The following PRMT3 variants were observed in gnomAD, a reference collection of about 807,000 sequenced individuals.
The protein encoded by PRMT3 is protein arginine methyltransferase 3, also known as protein arginine N-methyltransferase 3.
Under a neutral mutation model 71.9 loss-of-function variants are expected in PRMT3, and 62 were observed. The ratio of observed to expected loss-of-function variants is 0.86; its 90% CI spans 0.70 to 1.07. The LOEUF (loss-of-function observed/expected upper bound fraction) is 1.07, where lower values mean the gene tolerates loss of function less well. Among genes scored for constraint, PRMT3 ranks in the 50% least tolerant of loss-of-function variants. PRMT3 has a pLI of 0.00. For missense variants in PRMT3, 663 were observed against 643.0 expected (o/e 1.03, Z -0.34); for synonymous variants, 213 against 220.4 (o/e 0.97, Z 0.30).
At chr11:20,504,745 AGC>A (rs1474759869) in intron 15 of PRMT3, among the ~76,000 whole-genome samples, 44 of 141,210 alleles carry the variant, frequency 3.1e-4, no homozygotes, top group African/African-American at 8.8e-4. Context: ...AGAGAGAGAG[AGC>A]GAGAGCGACT....
intron 15 of PRMT3, among the ~76,000 whole-genome samples, chr11:20,498,590 C>T (rs938581831): frequency 1.8e-4 from 27 of 152,034 alleles, no homozygotes; most frequent in African/African-American, 6.3e-4. Context: ...ATTAGCTGGA[C>T]GTGGTAGCAC....
chr11:20,403,412 T>C (rs1848992199), intron 8 of PRMT3, among the ~76,000 whole-genome samples: 1 of 152,194 alleles, frequency 6.6e-6, no homozygotes, highest in Admixed American at 6.5e-5. Flanking sequence ...GGGTTCACTA[T>C]GGTAGTATAG....
intron 13 of PRMT3, among the ~76,000 whole-genome samples, chr11:20,489,765 A>AG (rs1433200619): frequency 6.6e-6 from 1 of 151,376 alleles, no homozygotes; most frequent in African/African-American, 2.4e-5. Flanking sequence ...TTCAAATTGA[A>AG]GGGGTTTTTT....
intron 11 of PRMT3, among the ~76,000 whole-genome samples, chr11:20,460,435 A>G (rs918864380): frequency 2.4e-4 from 37 of 152,046 alleles, no homozygotes; most frequent in African/African-American, 7.5e-4. Flanking sequence ...TTCTCCTTCA[A>G]TCACACTTTC....
chr11:20,411,228 AT>A (rs1286877510), intron 9 of PRMT3, among the ~76,000 whole-genome samples: 1 of 152,088 alleles, frequency 6.6e-6, no homozygotes, highest in African/African-American at 2.4e-5. Context: ...CATGTGACTT[AT>A]TTGGATAAGG....
chr11:20,445,188 G>T (rs932325431), intron 10 of PRMT3, among the ~76,000 whole-genome samples: 1 of 151,642 alleles, frequency 6.6e-6, no homozygotes, highest in Non-Finnish European at 1.5e-5. Flanking sequence ...AAAAAAATCA[G>T]TTTCACTTTT....
chr11:20,447,501 A>G (rs1850057226), intron 10 of PRMT3, among the ~76,000 whole-genome samples: 1 of 152,062 alleles, frequency 6.6e-6, no homozygotes. Context: ...ATGCGTTGAT[A>G]ATAAGTTAGC....
At chr11:20,473,549 T>TTTGA (rs1184654330) in intron 13 of PRMT3, among the ~76,000 whole-genome samples, 4 of 152,304 alleles carry the variant, frequency 2.6e-5, no homozygotes, top group African/African-American at 9.6e-5. Context: ...TTTGAGTGAA[T>TTTGA]TTGATTGTGC....
intron 13 of PRMT3, among the ~76,000 whole-genome samples, chr11:20,465,572 G>C (rs1850492802): frequency 6.6e-6 from 1 of 151,866 alleles, no homozygotes; most frequent in Non-Finnish European, 1.5e-5. Flanking sequence ...TTGATTCAGT[G>C]ATTATTTTAT....
intron 15 of PRMT3, among the ~76,000 whole-genome samples, chr11:20,497,414 C>T (rs900303818): frequency 1.3e-5 from 2 of 152,082 alleles, no homozygotes; most frequent in Non-Finnish European, 2.9e-5. Context: ...ATATTAGAAT[C>T]CCCTAAGAGA....
Position 20,464,146 on chromosome 11 carries a change from A to G in PRMT3, c.1261-314A>G, listed in dbSNP as rs142861516. 1.3e-3 allele frequency among the ~76,000 whole-genome samples: 195 copies of G among 152,298 alleles called. 1 individual carries two copies. The highest frequency in any genetic ancestry group is 2.4e-3 in the Non-Finnish European group (162 of 68,020). ...AACACAGGAAAACATTTTTTATTTG[A>G]AAGTATTTATTTTAGTGTGTCAGGA... On this transcript the variant is annotated intron_variant, in intron 12 of 15. Transcript: ENST00000331079.
chr11:20,423,115 G>A (rs1849463270), intron 9 of PRMT3, among the ~76,000 whole-genome samples: 1 of 152,164 alleles, frequency 6.6e-6, no homozygotes, highest in African/African-American at 2.4e-5. Flanking sequence ...GTTCATGTGA[G>A]TTAGATTTGA....
chr11:20,394,579 C>A (rs1017282154), intron 5 of PRMT3, among the ~76,000 whole-genome samples: 2 of 152,064 alleles, frequency 1.3e-5, no homozygotes, highest in African/African-American at 4.8e-5. Flanking sequence ...ACATCATCAC[C>A]TCACATTCCA....
intron 10 of PRMT3, among the ~76,000 whole-genome samples, chr11:20,433,802 TAG>T (rs1849706594): frequency 6.6e-6 from 1 of 152,008 alleles, no homozygotes; most frequent in African/African-American, 2.4e-5. Flanking sequence ...GTATTTTTGG[TAG>T]AGATGAGGTT....
chr11:20,447,466 AC>A (rs2133381325), intron 10 of PRMT3, among the ~76,000 whole-genome samples: 1 of 151,960 alleles, frequency 6.6e-6, no homozygotes, highest in Non-Finnish European at 1.5e-5. Flanking sequence ...ATATCGAGAA[AC>A]CCTGCTTTAG....
At chr11:20,414,270 A>G (rs1849254048) in intron 9 of PRMT3, among the ~76,000 whole-genome samples, 1 of 152,180 alleles carries the variant, frequency 6.6e-6, no homozygotes, top group Non-Finnish European at 1.5e-5. Context: ...AAATGAGTTT[A>G]GAATTGGATA....
intron 11 of PRMT3, among the ~76,000 whole-genome samples, chr11:20,453,310 G>A (rs1359817910): frequency 6.8e-5 from 9 of 132,566 alleles, no homozygotes; most frequent in East Asian, 2.2e-4. Flanking sequence ...GTGAAACCCC[G>A]TCTTTACTAA....
intron 10 of PRMT3, among the ~76,000 whole-genome samples, chr11:20,436,765 A>G (rs1849769740): frequency 6.6e-6 from 1 of 151,650 alleles, no homozygotes; most frequent in African/African-American, 2.4e-5. Context: ...AGTGTCTTTA[A>G]CTGATTTTGT....
intron 10 of PRMT3, among the ~76,000 whole-genome samples, chr11:20,441,472 A>T (rs1056750223): frequency 6.6e-6 from 1 of 150,970 alleles, no homozygotes; most frequent in African/African-American, 2.4e-5. Context: ...TGCCCAGCTA[A>T]TTTTTTTTGT....
Sources: allele counts gnomAD v4.1 joint callset (sites outside exome capture counted in the v4.1 genomes callset), GRCh38; gene constraint gnomAD v4.1.1; transcripts MANE v1.5; gene names NCBI Gene and HGNC (gene_info 2026-07-23, HGNC 2026-07-21).